MCTP2: variants seen among roughly 807,000 people sequenced by gnomAD.
MCTP2 encodes multiple C2 and transmembrane domain containing 2, also known as multiple C2 and transmembrane domain-containing protein 2.
Under a neutral mutation model 111.6 loss-of-function variants are expected in MCTP2, and 132 were observed. The observed-to-expected ratio is 1.18, with a 90% CI of 1.03 to 1.37. The LOEUF (loss-of-function observed/expected upper bound fraction) is 1.37. Ranked by LOEUF, MCTP2 falls within the 40% of genes most tolerant of loss-of-function variation. The pLI, the probability that MCTP2 is intolerant of heterozygous loss-of-function variation, is 0.00. For synonymous variants in MCTP2, 395 were observed against 387.7 expected, an observed-to-expected ratio of 1.02 and a Z score of -0.22; for missense variants, 1,183 against 1,067.9, an observed-to-expected ratio of 1.11 and a Z score of -1.50.
At chr15:94,296,241 G>T (rs1384705467) in intron 1 of MCTP2, among the ~76,000 whole-genome samples, 2 of 152,210 alleles carry the variant, frequency 1.3e-5, no homozygotes, top group Non-Finnish European at 2.9e-5. Flanking sequence ...TGCAAGTCAA[G>T]TTATGAGATG....
At chr15:94,348,701 G>T (rs1420374968) in intron 8 of MCTP2, among the ~76,000 whole-genome samples, 1 of 151,332 alleles carries the variant, frequency 6.6e-6, no homozygotes, top group Non-Finnish European at 1.5e-5. Flanking sequence ...GGCCCAGGAA[G>T]TAGTACAAGT....
intron 1 of MCTP2, among the ~76,000 whole-genome samples, chr15:94,292,320 A>G (rs1481858454): frequency 6.6e-6 from 1 of 152,316 alleles, no homozygotes; most frequent in East Asian, 1.9e-4. Flanking sequence ...GGCAAGAAAA[A>G]GAAAAGGCAT....
chr15:94,242,976 TACACATAC>T lies in MCTP2; in HGVS notation c.-66+11315_-66+11322del, dbSNP rs1567248622. On this transcript the variant is annotated intron_variant, in intron 1 of 22. Transcript: ENST00000357742. ...ACATATACACGTGTATATGTGTATCTACACATACACGTGTATATGTGTATCTACACATA... is the reference window on the plus strand; with the variant it reads ...ACATATACACGTGTATATGTGTATCTACGTGTATATGTGTATCTACACATA... Among the ~76,000 whole-genome samples, 480 of 103,848 alleles carry T rather than the reference TACACATAC, an allele frequency of 4.6e-3. 78 individuals carry two copies. The highest frequency in any genetic ancestry group is 0.017 in the African/African-American group (445 of 25,960). 68.1% of individuals were successfully genotyped at this position (103,848 alleles called of 152,430 possible).
chr15:94,368,256 G>A (rs527309247), intron 11 of MCTP2, among the ~76,000 whole-genome samples: 2 of 152,304 alleles, frequency 1.3e-5, no homozygotes, highest in South Asian at 2.1e-4. Context: ...ATGAAGAACC[G>A]CTGTTCTGAA....
chr15:94,392,495 A>G (rs1490354942), intron 14 of MCTP2, among the ~76,000 whole-genome samples: 2 of 152,040 alleles, frequency 1.3e-5, no homozygotes, highest in Non-Finnish European at 2.9e-5. Flanking sequence ...GTCAAATGAT[A>G]TATATTATGT....
intron 17 of MCTP2, among the ~76,000 whole-genome samples, chr15:94,427,868 A>G (rs957511920): frequency 2.0e-5 from 3 of 152,140 alleles, no homozygotes; most frequent in Non-Finnish European, 2.9e-5. Flanking sequence ...TTTTAAAGGA[A>G]TATTGAGAAA....
chr15:94,314,156 G>A lies in MCTP2; in HGVS notation c.466-126G>A, dbSNP rs80315732. ...CTCCTTGCCACACAAACAGGAAGGC[G>A]GCCCTCACTGAAGCTGCATATGCAA... On this transcript the variant is annotated intron_variant, in intron 2 of 22. Transcript: ENST00000357742. 7.4e-3 allele frequency: 4,630 copies of A among 625,580 alleles called. 61 individuals carry two copies. Among genetic ancestry groups the A allele is most frequent in the Non-Finnish European group, 6.6e-3 (2,311 of 349,748 alleles). 38.8% of individuals were successfully genotyped at this position (625,580 alleles called of 1,614,324 possible).
At chr15:94,412,994 T>C (rs1201422721) in intron 17 of MCTP2, among the ~76,000 whole-genome samples, 2 of 152,212 alleles carry the variant, frequency 1.3e-5, no homozygotes, top group Non-Finnish European at 2.9e-5. Context: ...TTTTACATTT[T>C]TGATAATCTA....
At chr15:94,293,348 A>G (rs1043579151) in intron 1 of MCTP2, among the ~76,000 whole-genome samples, 6 of 152,240 alleles carry the variant, frequency 3.9e-5, no homozygotes, top group Non-Finnish European at 7.3e-5. Context: ...AAGAACTCTC[A>G]TAACTCAACA....
intron 4 of MCTP2, among the ~76,000 whole-genome samples, chr15:94,335,330 A>T: frequency 6.6e-6 from 1 of 152,244 alleles, no homozygotes; most frequent in Non-Finnish European, 1.5e-5. Flanking sequence ...AACATAGCTG[A>T]ATTAATTTAA....
chr15:94,304,168 G>A (rs2075775664), intron 2 of MCTP2, among the ~76,000 whole-genome samples: 3 of 152,254 alleles, frequency 2.0e-5, no homozygotes, highest in Admixed American at 6.5e-5. Context: ...TAGGCCAGAT[G>A]TGGTGGCTCA....
chr15:94,303,825 G>T (rs142638393), intron 2 of MCTP2, among the ~76,000 whole-genome samples: 1 of 152,156 alleles, frequency 6.6e-6, no homozygotes, highest in Non-Finnish European at 1.5e-5. Context: ...TTCCAACTCT[G>T]TGGTGAGTAT....
intron 20 of MCTP2, among the ~76,000 whole-genome samples, chr15:94,469,362 A>C (rs75503004): frequency 0.019 from 2,827 of 152,344 alleles, 97 homozygotes; most frequent in African/African-American, 0.065. Context: ...ATGCCAGTCA[A>C]AGCAGGCAAT....
intron 19 of MCTP2, among the ~76,000 whole-genome samples, chr15:94,452,399 A>G (rs1332109158): frequency 6.6e-6 from 1 of 152,218 alleles, no homozygotes; most frequent in Non-Finnish European, 1.5e-5. Flanking sequence ...TGGAATCCTT[A>G]GGAAGAGGAT....
chr15:94,432,596 A>G (rs2083254884), intron 17 of MCTP2, among the ~76,000 whole-genome samples: 2 of 152,188 alleles, frequency 1.3e-5, no homozygotes, highest in African/African-American at 2.4e-5. Context: ...AATGAAATAT[A>G]TTTATTCAAA....
intron 17 of MCTP2, among the ~76,000 whole-genome samples, chr15:94,430,577 CAAAAAA>C (rs11289166): frequency 1.0e-5 from 1 of 96,690 alleles, no homozygotes; most frequent in African/African-American, 4.2e-5. Flanking sequence ...ACTAAAAATA[CAAAAAA>C]AAAAAAAAAA....
chr15:94,334,464 G>A (rs2077264458), intron 4 of MCTP2, among the ~76,000 whole-genome samples: 1 of 152,152 alleles, frequency 6.6e-6, no homozygotes, highest in South Asian at 2.1e-4. Flanking sequence ...ATACTCATAG[G>A]TGGTCCAAAT....
chr15:94,341,604 C>G (rs1037980523), intron 7 of MCTP2: 2 of 152,174 alleles, frequency 1.3e-5, no homozygotes, highest in South Asian at 4.2e-4. Flanking sequence ...TGAATTGAGG[C>G]AGTGGGGTGG....
chr15:94,337,258 A>G (rs1245448398), intron 4 of MCTP2, among the ~76,000 whole-genome samples: 5 of 151,914 alleles, frequency 3.3e-5, no homozygotes, highest in Admixed American at 6.6e-5. Context: ...TTAATTCCAG[A>G]CATTAATATT....
Sources: allele counts gnomAD v4.1 joint callset (sites outside exome capture counted in the v4.1 genomes callset), GRCh38; gene constraint gnomAD v4.1.1; transcripts MANE v1.5; gene names NCBI Gene and HGNC (gene_info 2026-07-23, HGNC 2026-07-21).